The following ITGA11 variants were observed in gnomAD, a reference collection of about 807,000 sequenced individuals.
ITGA11 encodes the protein integrin subunit alpha 11, also known as integrin alpha-11.
In ITGA11, 97 loss-of-function variants were observed where a neutral mutation model predicts 141.9. That is an observed-to-expected ratio of 0.68 (90% CI 0.58 to 0.81). The LOEUF (loss-of-function observed/expected upper bound fraction) is 0.81, where lower values mean the gene tolerates loss of function less well. ITGA11 is among the 30% of genes least tolerant of loss of function. ITGA11 has a pLI of 0.00. For synonymous variants in ITGA11, 658 were observed against 624.6 expected, an observed-to-expected ratio of 1.05 and a Z score of -0.80; for missense variants, 1,387 against 1,559.2, an observed-to-expected ratio of 0.89 and a Z score of 1.86.
intron 1 of ITGA11, among the ~76,000 whole-genome samples, chr15:68,403,462 T>C (rs1422670729): frequency 6.6e-6 from 1 of 151,974 alleles, no homozygotes; most frequent in East Asian, 1.9e-4. Flanking sequence ...GCCTCCCCCC[T>C]CTCTTTCTTG....
Position 68,328,214 on chromosome 15 carries a change from G to A in ITGA11, c.1950C>T (p.Ser650=), listed in dbSNP as rs1894043823. ...AGTCTCTGTGGAAGATGTTGATCTT[G>A]GATGGCTCAAAGTGGAGGCTGGCAT... is the stretch of plus-strand genomic sequence containing the variant. ...QINASLHFEP[S]KINIFHRDCK... The change falls in exon 16 of 30, where the codon TCC becomes TCT. Residue 650 remains serine, a synonymous_variant. Transcript: ENST00000315757. The surrounding 1 kb of genome is among the most constrained non-coding windows in gnomAD (Gnocchi z 4.8). 1 of 1,613,960 alleles carries A rather than the reference G, an allele frequency of 6.2e-7. No individual in the cohort carries two copies. The highest frequency in any genetic ancestry group is 8.5e-7 in the Non-Finnish European group (1 of 1,179,892).
At chr15:68,364,116 C>A (rs1308099599) in intron 4 of ITGA11, among the ~76,000 whole-genome samples, 1 of 152,212 alleles carries the variant, frequency 6.6e-6, no homozygotes, top group Admixed American at 6.5e-5. Flanking sequence ...ATGCCCTTTT[C>A]TTCCTTGCGA....
intron 1 of ITGA11, among the ~76,000 whole-genome samples, chr15:68,426,260 G>A (rs1020102470): frequency 2.0e-5 from 3 of 152,210 alleles, no homozygotes; most frequent in South Asian, 4.1e-4. Flanking sequence ...TTATTAGTGC[G>A]GTTCAGCATG....
At chr15:68,424,991 A>C (rs1490064078) in intron 1 of ITGA11, among the ~76,000 whole-genome samples, 1 of 152,230 alleles carries the variant, frequency 6.6e-6, no homozygotes, top group Non-Finnish European at 1.5e-5. Flanking sequence ...TGAGCCCTGC[A>C]GTCTGTGGGA....
At chr15:68,386,969 C>T (rs1225256412) in intron 2 of ITGA11, among the ~76,000 whole-genome samples, 1 of 152,046 alleles carries the variant, frequency 6.6e-6, no homozygotes, top group Non-Finnish European at 1.5e-5. Context: ...CTATCTCACC[C>T]ATGTCTATCA....
intron 26 of ITGA11, among the ~76,000 whole-genome samples, chr15:68,310,681 C>G (rs192322529): frequency 6.6e-6 from 1 of 152,326 alleles, no homozygotes; most frequent in Admixed American, 6.5e-5. Context: ...CCTACTGGCC[C>G]GCTTGGCCCA....
At chr15:68,415,210 C>T (rs931117605) in intron 1 of ITGA11, among the ~76,000 whole-genome samples, 6 of 152,200 alleles carry the variant, frequency 3.9e-5, no homozygotes, top group Admixed American at 1.3e-4. Context: ...ATAATATCAC[C>T]GCCAGCCACT....
chr15:68,311,117 G>T, intron 25 of ITGA11, 37 bp from the exon 26 acceptor site: 2 of 1,507,398 alleles, frequency 1.3e-6, no homozygotes, highest in Admixed American at 1.8e-5. Context: ...CACATACACA[G>T]CCTCACAACC....
At chr15:68,371,577 G>T (rs1895591513) in intron 2 of ITGA11, among the ~76,000 whole-genome samples, 1 of 152,090 alleles carries the variant, frequency 6.6e-6, no homozygotes, top group African/African-American at 2.4e-5. Flanking sequence ...AAGTAGCTGG[G>T]CGTGGTGGTG....
In ITGA11 at chr15:68,305,439, G is replaced by A. The variant is rs954861424; in HGVS notation, c.3382-1554C>T. ...CTGGAATGTCAGCTGTAGGAGAGTG[G>A]GGGCTTTGTCTGTTTTGTCCCTGCT... On this transcript the variant is annotated intron_variant, in intron 28 of 29. Coordinates refer to ENST00000315757, the MANE Select transcript of ITGA11 (RefSeq NM_001004439.2). The surrounding 1 kb of genome is among the most constrained non-coding windows in gnomAD (Gnocchi z 4.6). Among the ~76,000 whole-genome samples, 26 of 152,280 alleles carry A rather than the reference G, an allele frequency of 1.7e-4. No homozygotes were observed. Among genetic ancestry groups the A allele is most frequent in the African/African-American group, 6.0e-4 (25 of 41,548 alleles).
At chr15:68,381,043 G>A (rs539311074) in intron 2 of ITGA11, among the ~76,000 whole-genome samples, 1 of 152,250 alleles carries the variant, frequency 6.6e-6, no homozygotes, top group East Asian at 1.9e-4. Flanking sequence ...GGCACTGAGG[G>A]CCACTCTCAG....
At chr15:68,344,608 G>A (rs1201402365) in intron 10 of ITGA11, among the ~76,000 whole-genome samples, 3 of 152,004 alleles carry the variant, frequency 2.0e-5, no homozygotes, top group South Asian at 4.2e-4. Context: ...AATCCCATGG[G>A]CCTTGAGGGG....
Position 68,302,055 on chromosome 15 carries a change from A to AGTGTGTGTGTGTGTGTGTGT in ITGA11, c.*984_*1003dup, listed in dbSNP as rs3084584. ...CGGGCATGAGGGAAGGATGGGAGGC[A>AGTGTGTGTGTGTGTGTGTGT]GTGTGTGTGTGTGTGTGTGTGTGTG... On this transcript the variant is annotated 3_prime_UTR_variant, in exon 30 of 30. Coordinates refer to ENST00000315757, the MANE Select transcript of ITGA11 (RefSeq NM_001004439.2). 1.0e-3 allele frequency: 105 copies of AGTGTGTGTGTGTGTGTGTGT among 103,848 alleles called. 4 individuals are homozygous for AGTGTGTGTGTGTGTGTGTGT. Among genetic ancestry groups the AGTGTGTGTGTGTGTGTGTGT allele is most frequent in the East Asian group, 5.3e-3 (9 of 1,690 alleles). 6.4% of individuals were successfully genotyped at this position (103,848 alleles called of 1,614,324 possible).
rs577440597 is a variant in ITGA11 at position 68,328,424 on chromosome 15, C to T, written c.1902-162G>A. Among the ~76,000 whole-genome samples, 5 of 151,846 alleles carry T rather than the reference C, an allele frequency of 3.3e-5. No homozygotes were observed. The highest frequency in any genetic ancestry group is 2.1e-4 in the South Asian group (1 of 4,790). On this transcript the variant is annotated intron_variant, in intron 15 of 29. Coordinates refer to ENST00000315757, the MANE Select transcript of ITGA11 (RefSeq NM_001004439.2). The surrounding 1 kb of genome is among the most constrained non-coding windows in gnomAD (Gnocchi z 4.8). Reference sequence around the variant, plus strand: ...GCGAGGTGGAGGATGGAGGGGGCTTCGGATGTCAAAGGACTGGCAAGAGCG... The same window carrying T: ...GCGAGGTGGAGGATGGAGGGGGCTTTGGATGTCAAAGGACTGGCAAGAGCG...
At chr15:68,410,815 G>A (rs1420596861) in intron 1 of ITGA11, among the ~76,000 whole-genome samples, 7 of 152,226 alleles carry the variant, frequency 4.6e-5, no homozygotes, top group Admixed American at 6.5e-5. Context: ...GTGAGGGGAC[G>A]TGGTCCCTAC....
rs1226534700 is a variant in ITGA11, at chr15:68,402,999, C to T, written c.83G>A (p.Arg28Lys). The T allele has an allele frequency of 1.2e-6, 2 of 1,613,434 alleles. No individual in the cohort carries two copies. Among genetic ancestry groups the T allele is most frequent in the Admixed American group, 3.3e-5 (2 of 59,950 alleles). ...GFTDTFNMDT[R>K]KPRVIPGSRT... ...GGAGCCAGGGATGACCCGGGGCTTC[C>T]TGGTGTCCATGTTGAAGGTGTCCGT... The change falls in exon 2 of 30, where the codon AGG becomes AAG. Residue 28 changes from arginine (R) to lysine (K), a missense_variant. Arg to Lys is a conservative substitution (Grantham distance 26). Transcript: ENST00000315757.
intron 20 of ITGA11, among the ~76,000 whole-genome samples, chr15:68,317,570 G>A (rs1309186193): frequency 6.6e-6 from 1 of 152,140 alleles, no homozygotes; most frequent in Non-Finnish European, 1.5e-5. Flanking sequence ...CTGGTACTTG[G>A]CATGACACGG....
intron 22 of ITGA11, among the ~76,000 whole-genome samples, chr15:68,315,217 T>A (rs941667393): frequency 6.6e-6 from 1 of 152,190 alleles, no homozygotes; most frequent in African/African-American, 2.4e-5. Context: ...CTGCTGTGTG[T>A]CCCTGGGAAA....
At chr15:68,369,741 T>G (rs1895530154) in intron 2 of ITGA11, among the ~76,000 whole-genome samples, 2 of 152,226 alleles carry the variant, frequency 1.3e-5, no homozygotes, top group Non-Finnish European at 2.9e-5. Flanking sequence ...TTCTTCATCT[T>G]ACAGGGAAGC....
Sources: allele counts gnomAD v4.1 joint callset (sites outside exome capture counted in the v4.1 genomes callset), GRCh38; gene constraint gnomAD v4.1.1; non-coding constraint Gnocchi (gnomAD v3.1); transcripts MANE v1.5; gene names NCBI Gene and HGNC (gene_info 2026-07-23, HGNC 2026-07-21).